MYO18A: variants seen among roughly 807,000 people sequenced by gnomAD.
MYO18A encodes the protein unconventional myosin-XVIIIa.
In MYO18A, 78 loss-of-function variants were observed where a neutral mutation model predicts 235.8. The ratio of observed to expected loss-of-function variants is 0.33; its 90% CI spans 0.28 to 0.40. The LOEUF (loss-of-function observed/expected upper bound fraction) is 0.40. Ranked by LOEUF, MYO18A falls within the 10% of genes least tolerant of loss-of-function variation. The probability of loss-of-function intolerance (pLI) is 1.00; values close to 1 mark genes in which losing one functional copy is unlikely to be tolerated. For missense variants in MYO18A, 2,215 were observed against 2,699.3 expected (o/e 0.82, Z 3.98); for synonymous variants, 977 against 1,077.8 (o/e 0.91, Z 1.83).
chr17:29,114,852 T>G (rs2067018136), intron 14 of MYO18A, 55 bp downstream of exon 14: 2 of 1,556,940 alleles, frequency 1.3e-6, no homozygotes, highest in Admixed American at 3.6e-5. Context: ...ATGCCCTCGC[T>G]GTGGGTGCCA....
At position 29,133,019 on chromosome 17, in the gene MYO18A, G is replaced by A. The variant is rs608581; in HGVS notation, c.1000-10766C>T. On this transcript the variant is annotated intron_variant, in intron 2 of 41. Transcript: ENST00000527372. ...CACACAGACACACTCATTACTGCAC[G>A]CAGTGCTGTTAACTTGGGTGCCGGG... Among the ~76,000 whole-genome samples the A allele has an allele frequency of 7.7e-4, 117 of 152,354 alleles. 2 individuals carry two copies. The highest frequency in any genetic ancestry group is 1.2e-3 in the Admixed American group (18 of 15,306).
rs142258835 is a variant in MYO18A at position 29,148,739 on chromosome 17, T to C, written c.999+17203A>G. Among the ~76,000 whole-genome samples, 1,283 of 152,250 alleles carry C rather than the reference T, an allele frequency of 8.4e-3. 11 individuals are homozygous for C. Among genetic ancestry groups the C allele is most frequent in the Middle Eastern group, 0.034 (10 of 294 alleles). Reference sequence around the variant, plus strand: ...ATAGCCAGTGGATTCTGAAGGGTTATAGGGCAGACTCCCTTTAAGAAGCCT... The same window carrying C: ...ATAGCCAGTGGATTCTGAAGGGTTACAGGGCAGACTCCCTTTAAGAAGCCT... On this transcript the variant is annotated intron_variant, in intron 2 of 41. Transcript: ENST00000527372.
chr17:29,101,145 G>A (rs1354551932), intron 21 of MYO18A, among the ~76,000 whole-genome samples: 2 of 149,422 alleles, frequency 1.3e-5, no homozygotes, highest in Non-Finnish European at 3.0e-5. Context: ...CTACAGGTGT[G>A]CACCACCATT....
Position 29,140,836 on chromosome 17 carries a change from A to G in MYO18A, c.1000-18583T>C, listed in dbSNP as rs2067723457. 1.3e-5 allele frequency among the ~76,000 whole-genome samples: 2 copies of G among 152,166 alleles called. No homozygotes were observed. The highest frequency in any genetic ancestry group is 2.9e-5 in the Non-Finnish European group (2 of 68,022). The stretch of plus-strand genomic sequence containing the variant: ...CACACACACACCAGCATGCACGAAC[A>G]TTCAATCAACACAGTGTTCTTGAGA... On this transcript the variant is annotated intron_variant, in intron 2 of 41. Transcript: ENST00000527372. The surrounding 1 kb of genome is among the most constrained non-coding windows in gnomAD (Gnocchi z 4.2).
In MYO18A at chr17:29,096,922, G is replaced by C; in HGVS notation, c.4231-7C>G. 1.3e-6 allele frequency: 2 copies of C among 1,555,414 alleles called. No individual in the cohort carries two copies. The highest frequency in any genetic ancestry group is 1.7e-6 in the Non-Finnish European group (2 of 1,151,410). Reference sequence around the variant, plus strand: ...CTGCCTGCAGGTCCCCGAGCTAGGGGCCAAGATGGGGTGCATATACAGAGA... The same window carrying C: ...CTGCCTGCAGGTCCCCGAGCTAGGGCCCAAGATGGGGTGCATATACAGAGA... On this transcript the variant is annotated splice_region_variant and splice_polypyrimidine_tract_variant and intron_variant, in intron 27 of 41. Transcript: ENST00000527372.
intron 36 of MYO18A, 47 bp from the exon 37 acceptor site, chr17:29,090,145 G>A (rs1335073228): frequency 6.3e-7 from 1 of 1,585,638 alleles, no homozygotes; most frequent in Admixed American, 1.8e-5. Flanking sequence ...GCCCAGAAAG[G>A]GAGGAGACTG....
At chr17:29,154,738 G>C (rs962469550) in intron 2 of MYO18A, among the ~76,000 whole-genome samples, 26 of 152,202 alleles carry the variant, frequency 1.7e-4, no homozygotes, top group Admixed American at 5.9e-4. Context: ...TGCCTGAAGT[G>C]CCAGGCACAC....
chr17:29,097,926 G>C, intron 25 of MYO18A, 27 bp from the exon 26 acceptor site: 1 of 1,599,698 alleles, frequency 6.3e-7, no homozygotes, highest in Non-Finnish European at 8.5e-7. Flanking sequence ...TTCAGGGTGT[G>C]CCATTCCATC....
chr17:29,110,539 G>A lies in MYO18A; in HGVS notation c.2984C>T (p.Ser995Leu), dbSNP rs751013479. ...SGSIAGLEGG[S>L]QLALRRATSM... ...GGTGGCCCGGCGCAGTGCCAGCTGC[G>A]AGCCGCCCTCCAGGCCCGCGATGGA... is the stretch of plus-strand genomic sequence containing the variant. Residue 995 changes from serine to leucine, a missense_variant, in exon 18 of 42, where the codon TCG becomes TTG. Transcript: ENST00000527372. 3.6e-5 allele frequency: 58 copies of A among 1,610,846 alleles called. No individual in the cohort carries two copies. In the South Asian group the frequency reaches 5.3e-4, roughly 15 times the overall value.
At chr17:29,132,509 G>A (rs1229901273) in intron 2 of MYO18A, among the ~76,000 whole-genome samples, 1 of 152,180 alleles carries the variant, frequency 6.6e-6, no homozygotes, top group Non-Finnish European at 1.5e-5. Context: ...AGCACAATGT[G>A]GGTAGGAGCA....
In MYO18A at chr17:29,096,816, G is replaced by T; in HGVS notation, c.4330C>A (p.Leu1444Met). Residue 1444 changes from leucine (L) to methionine (M), a missense_variant, in exon 28 of 42, where the codon CTG (leucine) becomes ATG (methionine). Coordinates refer to ENST00000527372, the MANE Select transcript of MYO18A (RefSeq NM_078471.4). The part of the protein sequence containing the change: ...RLTAELQDTK[L>M]HLEGQQVRNH... ...CGGACCTGCTGGCCCTCCAGGTGCAGCTTGGTGTCTTGCAGCTCAGCCGTC... is the reference window on the plus strand; with the variant it reads ...CGGACCTGCTGGCCCTCCAGGTGCATCTTGGTGTCTTGCAGCTCAGCCGTC... 1 of 1,603,928 alleles carries T rather than the reference G, an allele frequency of 6.2e-7. No homozygotes were observed.
chr17:29,178,655 G>C (rs922390526), intron 1 of MYO18A, among the ~76,000 whole-genome samples: 2 of 152,154 alleles, frequency 1.3e-5, no homozygotes, highest in African/African-American at 4.8e-5. Flanking sequence ...TGGACAAAGA[G>C]CCAGTGAGGC....
rs575332094 is a variant in MYO18A, at chr17:29,086,728, G to C, written c.5713-151C>G. ...AGCCTTTTCCGCTCTGTTGCTGCTGGGCTGTGGGGTCCAAGCCTCATCTGA... is the reference window on the plus strand; with the variant it reads ...AGCCTTTTCCGCTCTGTTGCTGCTGCGCTGTGGGGTCCAAGCCTCATCTGA... On this transcript the variant is annotated intron_variant, in intron 38 of 41. Transcript: ENST00000527372. 3 of 1,220,928 alleles carry C rather than the reference G, an allele frequency of 2.5e-6. No individual in the cohort carries two copies. The African/African-American group carries it at 4.6e-5, about 19-fold the overall frequency. 75.6% of individuals were successfully genotyped at this position (1,220,928 alleles called of 1,614,324 possible).
intron 19 of MYO18A, chr17:29,107,407 G>A (rs1598313206): frequency 1.9e-6 from 1 of 534,936 alleles, no homozygotes; most frequent in Non-Finnish European, 3.4e-6. Flanking sequence ...TCCACAGGGG[G>A]ATAGGAAGGC....
At chr17:29,110,155 G>C in intron 18 of MYO18A, 54 bp from the exon 19 acceptor site, 1 of 1,581,216 alleles carries the variant, frequency 6.3e-7, no homozygotes, top group East Asian at 2.2e-5. Context: ...GTGCTCAGAA[G>C]AGCAGGGACT....
rs1273571347 is a variant in MYO18A, at chr17:29,111,592, GGGA to G, written c.2741-12_2741-10del. ...CAGAAGGGGGCTTTGGCCTGATGGTGGGAGAAGCAAGATTTAGGTCGTCAGGGT... is the reference window on the plus strand; with the variant it reads ...CAGAAGGGGGCTTTGGCCTGATGGTGGAAGCAAGATTTAGGTCGTCAGGGT... On this transcript the variant is annotated splice_polypyrimidine_tract_variant and intron_variant, in intron 16 of 41. Transcript: ENST00000527372. This position sits in a 1 kb window ranked among gnomAD's most constrained non-coding sequence, Gnocchi z 5.1. 3 of 1,613,810 alleles carry G rather than the reference GGGA, an allele frequency of 1.9e-6. No homozygotes were observed. In the African/African-American group the frequency reaches 4.0e-5, roughly 22 times the overall value.
chr17:29,113,932 G>C, intron 15 of MYO18A, 79 bp downstream of exon 15: 1 of 1,199,184 alleles, frequency 8.3e-7, no homozygotes, highest in South Asian at 1.3e-5. Context: ...CAGCAGCTCA[G>C]ATGGGGAGGG....
At chr17:29,168,938 G>A (rs1382741711) in intron 1 of MYO18A, among the ~76,000 whole-genome samples, 2 of 152,154 alleles carry the variant, frequency 1.3e-5, no homozygotes, top group African/African-American at 4.8e-5. Flanking sequence ...GGGAGGCCGA[G>A]GTGGGCGGAT....
intron 40 of MYO18A, among the ~76,000 whole-genome samples, chr17:29,083,746 G>A (rs375254175): frequency 3.9e-5 from 6 of 152,098 alleles, no homozygotes; most frequent in South Asian, 2.1e-4. Flanking sequence ...GTGCCCGTCC[G>A]AGCCTGGCAG....
Sources: allele counts gnomAD v4.1 joint callset (sites outside exome capture counted in the v4.1 genomes callset), GRCh38; gene constraint gnomAD v4.1.1; non-coding constraint Gnocchi (gnomAD v3.1); transcripts MANE v1.5; gene names NCBI Gene and HGNC (gene_info 2026-07-23, HGNC 2026-07-21).